Variants in KLHL8 observed in about 807,000 individuals in gnomAD.
KLHL8 encodes the protein kelch-like protein 8.
A neutral mutation model predicts 63.5 loss-of-function variants in KLHL8; 38 were observed. The ratio of observed to expected loss-of-function variants is 0.60; its 90% CI spans 0.46 to 0.78. The LOEUF is 0.78. Ranked by LOEUF, KLHL8 falls within the 30% of genes least tolerant of loss-of-function variation. The probability of loss-of-function intolerance (pLI) is 0.00; values close to 1 mark genes in which losing one functional copy is unlikely to be tolerated. For missense variants in KLHL8, 566 were observed against 752.4 expected (o/e 0.75, Z 2.90); for synonymous variants, 224 against 254.3 (o/e 0.88, Z 1.13).
intron 1 of KLHL8, among the ~76,000 whole-genome samples, chr4:87,199,163 G>A (rs1344424068): frequency 6.6e-6 from 1 of 151,870 alleles, no homozygotes; most frequent in African/African-American, 2.4e-5. Context: ...GACACACCAC[G>A]CCAACAGTAA....
At chr4:87,216,707 A>T (rs1732608122) in intron 1 of KLHL8, among the ~76,000 whole-genome samples, 1 of 152,178 alleles carries the variant, frequency 6.6e-6, no homozygotes, top group Non-Finnish European at 1.5e-5. Context: ...ATTCATAACC[A>T]AACCAAACAA....
chr4:87,174,098 T>A (rs530935172), intron 6 of KLHL8, among the ~76,000 whole-genome samples: 31 of 152,258 alleles, frequency 2.0e-4, no homozygotes, highest in African/African-American at 7.2e-4. Context: ...AACAAGTCAT[T>A]TTTGCAGAAT....
At chr4:87,214,429 T>C (rs1439990026) in intron 1 of KLHL8, among the ~76,000 whole-genome samples, 1 of 51,458 alleles carries the variant, frequency 1.9e-5, no homozygotes, top group East Asian at 1.9e-3. Context: ...TATATATATA[T>C]ATATATATAT....
chr4:87,230,082 G>A (rs1367228462), intron 1 of KLHL8, among the ~76,000 whole-genome samples: 2 of 152,066 alleles, frequency 1.3e-5, no homozygotes, highest in Non-Finnish European at 2.9e-5. Flanking sequence ...TTTAGTAAAG[G>A]TGTGGACAGA....
intron 3 of KLHL8, among the ~76,000 whole-genome samples, chr4:87,184,132 G>A (rs999476724): frequency 5.3e-5 from 8 of 152,140 alleles, no homozygotes; most frequent in African/African-American, 1.7e-4. Context: ...CCCCTTGAAC[G>A]AAATCTGCCT....
chr4:87,214,121 C>T lies in KLHL8; in HGVS notation c.-152+6297G>A, dbSNP rs535126793. On this transcript the variant is annotated intron_variant, in intron 1 of 9. Coordinates refer to ENST00000273963, the MANE Select transcript of KLHL8 (RefSeq NM_020803.5). ...GTCCTGCAATCAACATTTTTTCCAGCAAAGAAATAAAATATGCTTTATAAT... is the reference window on the plus strand; with the variant it reads ...GTCCTGCAATCAACATTTTTTCCAGTAAAGAAATAAAATATGCTTTATAAT... Among the ~76,000 whole-genome samples, 208 of 151,602 alleles carry T rather than the reference C, an allele frequency of 1.4e-3. 3 individuals are homozygous for T. Among genetic ancestry groups the T allele is most frequent in the African/African-American group, 4.9e-3 (201 of 41,306 alleles).
chr4:87,230,812 G>C (rs1733123320), intron 1 of KLHL8, among the ~76,000 whole-genome samples: 1 of 152,154 alleles, frequency 6.6e-6, no homozygotes, highest in Admixed American at 6.5e-5. Flanking sequence ...CCTGCTCCAG[G>C]ACAGGCTTAC....
chr4:87,227,841 C>A (rs1334132154), intron 1 of KLHL8, among the ~76,000 whole-genome samples: 1 of 152,126 alleles, frequency 6.6e-6, no homozygotes, highest in Admixed American at 6.5e-5. Flanking sequence ...TATAGCCAGA[C>A]CTAACCCTGA....
intron 2 of KLHL8, among the ~76,000 whole-genome samples, chr4:87,186,441 T>C (rs1346551758): frequency 2.6e-5 from 4 of 151,656 alleles, no homozygotes; most frequent in Non-Finnish European, 5.9e-5. Context: ...CCAGCAAACA[T>C]CAGTTAGCAC....
chr4:87,231,428 T>A (rs1362896013), intron 1 of KLHL8, among the ~76,000 whole-genome samples: 1 of 152,152 alleles, frequency 6.6e-6, no homozygotes, highest in East Asian at 1.9e-4. Context: ...AGTGCCAGCC[T>A]TCTGCCTCAA....
At chr4:87,231,793 T>C (rs991325551) in intron 1 of KLHL8, among the ~76,000 whole-genome samples, 1 of 152,106 alleles carries the variant, frequency 6.6e-6, no homozygotes, top group Admixed American at 6.6e-5. Flanking sequence ...AGACGAGGTT[T>C]CGCCATGTTG....
At position 87,170,152 on chromosome 4, in the gene KLHL8, T is replaced by A; in HGVS notation, c.1464A>T (p.Ile488=). 6.2e-7 allele frequency: 1 copy of A among 1,614,106 alleles called. No homozygotes were observed. The highest frequency in any genetic ancestry group is 1.1e-5 in the South Asian group (1 of 91,088). ...TTCGCTGACCCATTTCTTTAACTTC[T>A]ATCCACTTATCCAGATGTGGATCAT... ...ERYDPHLDKW[I]EVKEMGQRRA... The change falls in exon 8 of 10, where the codon ATA becomes ATT. Residue 488 remains isoleucine (I), a synonymous_variant. Transcript: ENST00000273963.
intron 1 of KLHL8, chr4:87,240,141 A>T (rs182589983): frequency 1.3e-5 from 2 of 152,306 alleles, no homozygotes; most frequent in Admixed American, 1.3e-4. Flanking sequence ...AGCAGCACCC[A>T]GGGCTTCTGT....
intron 1 of KLHL8, among the ~76,000 whole-genome samples, chr4:87,236,663 C>CTTTTT (rs34454982): frequency 6.3e-5 from 7 of 110,428 alleles, no homozygotes; most frequent in African/African-American, 1.1e-4. Context: ...TGTACTGTGT[C>CTTTTT]TTTTTTTTTT....
intron 1 of KLHL8, among the ~76,000 whole-genome samples, chr4:87,234,200 G>A (rs1733187861): frequency 6.6e-6 from 1 of 152,222 alleles, no homozygotes; most frequent in Admixed American, 6.5e-5. Context: ...AGCACTTTGG[G>A]AGGCCAAGGT....
At chr4:87,220,158 A>G (rs923790513) in intron 1 of KLHL8, 1 of 152,548 alleles carries the variant, frequency 6.6e-6, no homozygotes. Context: ...CCTCCCGCCA[A>G]TGGGGGCGAC....
Position 87,180,730 on chromosome 4 carries a change from T to G in KLHL8, c.953-2110A>C, listed in dbSNP as rs974457558. Among the ~76,000 whole-genome samples, 3 of 152,096 alleles carry G rather than the reference T, an allele frequency of 2.0e-5. No individual in the cohort carries two copies. In the South Asian group the frequency reaches 6.2e-4, roughly 32 times the overall value. ...TATCTTTTTCAACTAATTCAATATT[T>G]TAAGTCAGATAAATTTAAAGTCGGA... On this transcript the variant is annotated intron_variant, in intron 4 of 9. Coordinates refer to ENST00000273963, the MANE Select transcript of KLHL8 (RefSeq NM_020803.5).
chr4:87,164,944 C>G lies in KLHL8; in HGVS notation c.1538-865G>C, dbSNP rs184742842. Among the ~76,000 whole-genome samples, 82 of 151,884 alleles carry G rather than the reference C, an allele frequency of 5.4e-4. 1 individual carries two copies. The highest frequency in any genetic ancestry group is 1.0e-3 in the Non-Finnish European group (68 of 67,932). Reference sequence around the variant, plus strand: ...GGGGCCGATCACGAGGTCAGGAGATCGAGACCATCCTGGCTAACACGGTGA... The same window carrying G: ...GGGGCCGATCACGAGGTCAGGAGATGGAGACCATCCTGGCTAACACGGTGA... On this transcript the variant is annotated intron_variant, in intron 8 of 9. Transcript: ENST00000273963.
At chr4:87,236,210 CTTTTT>C (rs35028616) in intron 1 of KLHL8, among the ~76,000 whole-genome samples, 1 of 135,838 alleles carries the variant, frequency 7.4e-6, no homozygotes, top group African/African-American at 2.8e-5. Context: ...TTTCCTTTTC[CTTTTT>C]TTTTTTTTTT....
Sources: gnomAD v4.1 joint callset for allele counts (sites outside exome capture counted in the v4.1 genomes callset) on GRCh38, gnomAD v4.1.1 for gene constraint, MANE v1.5 for transcripts, NCBI Gene and HGNC (gene_info 2026-07-23, HGNC 2026-07-21) for gene names.